The following FRAS1 variants were observed in gnomAD, a reference collection of about 807,000 sequenced individuals.
FRAS1 encodes the protein Fraser extracellular matrix complex subunit 1.
Under a neutral mutation model 435.2 loss-of-function variants are expected in FRAS1, and 290 were observed. The ratio of observed to expected loss-of-function variants is 0.67; its 90% CI spans 0.61 to 0.73. FRAS1 has a LOEUF of 0.73. FRAS1 is among the 30% of genes least tolerant of loss of function. The pLI is 0.00. For missense variants in FRAS1, 4,860 were observed against 5,001.5 expected, an observed-to-expected ratio of 0.97 and a Z score of 0.85; for synonymous variants, 1,800 against 1,851.0, an observed-to-expected ratio of 0.97 and a Z score of 0.71.
chr4:78,416,282 G>A (rs1362040551), intron 32 of FRAS1, among the ~76,000 whole-genome samples: 4 of 152,138 alleles, frequency 2.6e-5, no homozygotes, highest in Non-Finnish European at 5.9e-5. Context: ...GTTACCAGGG[G>A]TAGAGTGCGT....
intron 71 of FRAS1, among the ~76,000 whole-genome samples, chr4:78,536,118 G>A (rs1046715800): frequency 4.0e-5 from 6 of 151,652 alleles, no homozygotes; most frequent in African/African-American, 9.7e-5. Context: ...AGAGCTTGGT[G>A]CCATAGCCGA....
At chr4:78,347,378 G>A (rs1487734582) in intron 20 of FRAS1, among the ~76,000 whole-genome samples, 2 of 152,166 alleles carry the variant, frequency 1.3e-5, no homozygotes, top group East Asian at 1.9e-4. Context: ...TTCCCAAGAC[G>A]AGGGAGGAGA....
chr4:78,199,412 A>C (rs1026937895), intron 2 of FRAS1, among the ~76,000 whole-genome samples: 3 of 152,168 alleles, frequency 2.0e-5, no homozygotes, highest in African/African-American at 7.2e-5. Flanking sequence ...TTCATGTAAG[A>C]GTGAAGTTTC....
intron 2 of FRAS1, among the ~76,000 whole-genome samples, chr4:78,164,256 G>T (rs1721252995): frequency 6.6e-6 from 1 of 152,164 alleles, no homozygotes; most frequent in Non-Finnish European, 1.5e-5. Context: ...GGGAGGGGTA[G>T]TATGCGATGC....
intron 14 of FRAS1, among the ~76,000 whole-genome samples, chr4:78,298,539 A>C (rs1168902201): frequency 6.6e-6 from 1 of 152,176 alleles, no homozygotes; most frequent in African/African-American, 2.4e-5. Context: ...ATATAAAAAA[A>C]CAGCAGGACC....
At position 78,499,803 on chromosome 4, in the gene FRAS1, G is replaced by A. The variant is rs776333051; in HGVS notation, c.9198G>A (p.Lys3066=). The A allele has an allele frequency of 3.1e-6, 5 of 1,613,902 alleles. No homozygotes were observed. Among genetic ancestry groups the A allele is most frequent in the South Asian group, 2.2e-5 (2 of 91,074 alleles). Reference sequence around the variant, plus strand: ...ATGCCATTGCGATTCTGAACATCAAGGTGATCCGCAGAGGGGATCAGAACA... The same window carrying A: ...ATGCCATTGCGATTCTGAACATCAAAGTGATCCGCAGAGGGGATCAGAACA... ...GPDAIAILNI[K]VIRRGDQNRT... The change falls in exon 61 of 74, where the codon AAG becomes AAA. Residue 3066 remains lysine, a synonymous_variant. Coordinates refer to ENST00000512123, the MANE Select transcript of FRAS1 (RefSeq NM_025074.7).
At position 78,479,725 on chromosome 4, in the gene FRAS1, G is replaced by A. The variant is rs371246789; in HGVS notation, c.8443+7G>A. ...ACTGTCAGTGAGGACGCAGGTAATG[G>A]AGAGTGTCTCTGAGTTTCCTTCACC... On this transcript the variant is annotated splice_region_variant and intron_variant, in intron 56 of 73. Transcript: ENST00000512123. 3 of 1,556,040 alleles carry A rather than the reference G, an allele frequency of 1.9e-6. No homozygotes were observed. Among genetic ancestry groups the A allele is most frequent in the Admixed American group, 1.8e-5 (1 of 55,508 alleles).
chr4:78,130,103 A>T (rs1000552948), intron 2 of FRAS1, among the ~76,000 whole-genome samples: 1 of 152,136 alleles, frequency 6.6e-6, no homozygotes, highest in Admixed American at 6.5e-5. Context: ...CCACCCTTAA[A>T]GATAGCATCA....
At chr4:78,279,659 T>C (rs1387764379) in intron 10 of FRAS1, among the ~76,000 whole-genome samples, 1 of 152,226 alleles carries the variant, frequency 6.6e-6, no homozygotes, top group Admixed American at 6.5e-5. Context: ...TCTGCACTTT[T>C]TTATTACCTA....
Position 78,499,925 on chromosome 4 carries a change from A to C in FRAS1, c.9316+4A>C. ...CGAGTCTTGAAGTTCAGTCCCGGTA[A>C]TTGAATGCCAACCTCAATCTGTGGG... On this transcript the variant is annotated splice_donor_region_variant and intron_variant, in intron 61 of 73. Coordinates refer to ENST00000512123, the MANE Select transcript of FRAS1 (RefSeq NM_025074.7). 6.5e-7 allele frequency: 1 copy of C among 1,531,592 alleles called. No individual in the cohort carries two copies. The highest frequency in any genetic ancestry group is 8.9e-7 in the Non-Finnish European group (1 of 1,129,490). The allele number at this position is 1,531,592 out of a possible 1,614,324, so 94.9% of individuals were successfully genotyped here. A position where few individuals can be genotyped will look rare whatever the true frequency, so the allele number is the denominator to read the frequency against.
Position 78,219,031 on chromosome 4 carries a change from C to T in FRAS1, c.109-18479C>T, listed in dbSNP as rs115731419. On this transcript the variant is annotated intron_variant, in intron 2 of 73. Coordinates refer to ENST00000512123, the MANE Select transcript of FRAS1 (RefSeq NM_025074.7). ...CATTTTCCCTAATAGAGGATTTCAG[C>T]TCCAGTATAATTCAGGAAATGCTTC... is the stretch of plus-strand genomic sequence containing the variant. Among the ~76,000 whole-genome samples the T allele has an allele frequency of 2.4e-3, 372 of 152,302 alleles. 4 individuals carry two copies. Among genetic ancestry groups the T allele is most frequent in the African/African-American group, 8.6e-3 (356 of 41,562 alleles).
At chr4:78,498,517 A>AG (rs139578039) in intron 60 of FRAS1, among the ~76,000 whole-genome samples, 41,192 of 151,338 alleles carry the variant, frequency 0.27, 6,111 homozygotes, top group East Asian at 0.53. Flanking sequence ...AAAGAAAAAA[A>AG]AAAAAAAAGA....
chr4:78,295,060 GCTTT>G lies in FRAS1; in HGVS notation c.1534+8522_1534+8525del, dbSNP rs143008148. Among the ~76,000 whole-genome samples the G allele has an allele frequency of 2.4e-3, 357 of 151,338 alleles. 2 individuals are homozygous for G. The highest frequency in any genetic ancestry group is 8.3e-3 in the African/African-American group (343 of 41,174). On this transcript the variant is annotated intron_variant, in intron 14 of 73. Transcript: ENST00000512123. ...CTATTTACAGTTTTATTGCTTGCTT[GCTTT>G]ATGTTATTACTTATCCTTCTACAAC...
At chr4:78,455,702 A>T (rs1719172254) in intron 47 of FRAS1, among the ~76,000 whole-genome samples, 1 of 152,122 alleles carries the variant, frequency 6.6e-6, no homozygotes, top group African/African-American at 2.4e-5. Flanking sequence ...GCCTATGCGA[A>T]CTGTGCAGAA....
At chr4:78,080,376 T>A (rs923601384) in intron 2 of FRAS1, among the ~76,000 whole-genome samples, 4 of 152,172 alleles carry the variant, frequency 2.6e-5, no homozygotes, top group Non-Finnish European at 5.9e-5. Context: ...GAGAAACGGA[T>A]GAATGTATAG....
At chr4:78,308,265 C>A in intron 15 of FRAS1, 56 bp downstream of exon 15, 1 of 1,564,206 alleles carries the variant, frequency 6.4e-7, no homozygotes, top group South Asian at 1.2e-5. Context: ...TCCAGCATCT[C>A]TTGTTGTATT....
chr4:78,538,693 G>A (rs1283844856), intron 72 of FRAS1, among the ~76,000 whole-genome samples: 1 of 152,172 alleles, frequency 6.6e-6, no homozygotes, highest in Non-Finnish European at 1.5e-5. Flanking sequence ...GGTGGCTCAA[G>A]CCTGTAATCC....
intron 31 of FRAS1, among the ~76,000 whole-genome samples, chr4:78,412,600 A>G (rs1337320094): frequency 1.3e-5 from 2 of 152,262 alleles, no homozygotes; most frequent in African/African-American, 2.4e-5. Flanking sequence ...TTCATGATAC[A>G]GCAAACTATC....
intron 35 of FRAS1, among the ~76,000 whole-genome samples, chr4:78,428,529 TAGCC>T (rs1353098462): frequency 1.3e-5 from 2 of 152,164 alleles, no homozygotes; most frequent in Non-Finnish European, 2.9e-5. Flanking sequence ...TTCATCGTGT[TAGCC>T]AGGATGGTCT....
Sources: gnomAD v4.1 joint callset for allele counts (sites outside exome capture counted in the v4.1 genomes callset) on GRCh38, gnomAD v4.1.1 for gene constraint, MANE v1.5 for transcripts, NCBI Gene and HGNC (gene_info 2026-07-23, HGNC 2026-07-21) for gene names.